The following MRTFA variants were observed in gnomAD, a reference collection of about 807,000 sequenced individuals.
The protein encoded by MRTFA is myocardin-related transcription factor A.
In MRTFA, 20 loss-of-function variants were observed where a neutral mutation model predicts 83.5. The ratio of observed to expected loss-of-function variants is 0.24; its 90% CI spans 0.17 to 0.35. The LOEUF (loss-of-function observed/expected upper bound fraction) is 0.35, where lower values mean the gene tolerates loss of function less well. Among genes scored for constraint, MRTFA ranks in the 10% least tolerant of loss-of-function variants. The probability of loss-of-function intolerance (pLI) is 1.00; values close to 1 mark genes in which losing one functional copy is unlikely to be tolerated. For synonymous variants in MRTFA, 659 were observed against 541.2 expected (o/e 1.22, Z -3.02); for missense variants, 1,200 against 1,224.7 (o/e 0.98, Z 0.30).
chr22:40,537,801 C>T lies in MRTFA; in HGVS notation c.241+14305G>A, dbSNP rs1291344739. Among the ~76,000 whole-genome samples the T allele has an allele frequency of 7.1e-3, 195 of 27,506 alleles. 6 individuals carry two copies. Among genetic ancestry groups the T allele is most frequent in the African/African-American group, 0.038 (176 of 4,584 alleles). The allele number at this position is 27,506 out of a possible 152,430, so 18.0% of individuals were successfully genotyped here. A position where few individuals can be genotyped will look rare whatever the true frequency, so the allele number is the denominator to read the frequency against. On this transcript the variant is annotated intron_variant, in intron 3 of 14. Transcript: ENST00000355630. Reference sequence around the variant, plus strand: ...CAGCCCCCCGCCTGGCCAGCCGCCCCGTCCGGGAGGGAGGTGGGGGGGTCA... The same window carrying T: ...CAGCCCCCCGCCTGGCCAGCCGCCCTGTCCGGGAGGGAGGTGGGGGGGTCA...
chr22:40,418,966 G>T lies in MRTFA; in HGVS notation c.1772C>A (p.Ala591Asp). ...CTTCACGAGGATCTGCAGTGGCGAGGCCTGCAGGGTCAGCTGCGTCAGAGG... is the reference window on the plus strand; with the variant it reads ...CTTCACGAGGATCTGCAGTGGCGAGTCCTGCAGGGTCAGCTGCGTCAGAGG... Residue 591 changes from alanine to aspartate, a missense_variant, in exon 12 of 15, where the codon GCC becomes GAC. By Grantham distance (126) the Ala-to-Asp change is moderately radical. Around this residue, in one of 2 missense-constraint regions of MRTFA, gnomAD observed 1,107 missense variants for 1,041.8 expected, o/e 1.06. Coordinates refer to ENST00000355630, the MANE Select transcript of MRTFA (RefSeq NM_020831.6). 1.2e-6 allele frequency: 2 copies of T among 1,612,878 alleles called. No individual in the cohort carries two copies. The highest frequency in any genetic ancestry group is 1.7e-6 in the Non-Finnish European group (2 of 1,179,942).
At chr22:40,560,854 G>A (rs1474642216) in intron 2 of MRTFA, among the ~76,000 whole-genome samples, 2 of 152,010 alleles carry the variant, frequency 1.3e-5, no homozygotes, top group African/African-American at 2.4e-5. Flanking sequence ...AACAACATAC[G>A]TACCTAGAAA....
At chr22:40,502,112 G>A (rs2054495098) in intron 3 of MRTFA, among the ~76,000 whole-genome samples, 1 of 141,742 alleles carries the variant, frequency 7.1e-6, no homozygotes, top group Admixed American at 6.8e-5. Flanking sequence ...CGGCCGGGCA[G>A]AGGCGCCCCT....
intron 4 of MRTFA, among the ~76,000 whole-genome samples, chr22:40,441,761 T>C (rs1000220100): frequency 6.6e-6 from 1 of 151,152 alleles, no homozygotes; most frequent in African/African-American, 2.4e-5. Flanking sequence ...TACTCCAACC[T>C]GGGTGACAGA....
intron 1 of MRTFA, among the ~76,000 whole-genome samples, chr22:40,608,898 A>C (rs2056351204): frequency 6.6e-6 from 1 of 152,230 alleles, no homozygotes; most frequent in Admixed American, 6.5e-5. Context: ...TAAAAATGTA[A>C]GATTACCACA....
chr22:40,609,659 T>C (rs938845817), intron 1 of MRTFA, among the ~76,000 whole-genome samples: 21 of 151,760 alleles, frequency 1.4e-4, no homozygotes, highest in African/African-American at 2.4e-5. Context: ...GGTGAAACCC[T>C]GTCTCTACTA....
intron 4 of MRTFA, among the ~76,000 whole-genome samples, chr22:40,462,603 A>G (rs1305540703): frequency 2.0e-5 from 3 of 152,240 alleles, no homozygotes; most frequent in Non-Finnish European, 4.4e-5. Context: ...TGTTGGTATT[A>G]AAGGCAAATT....
chr22:40,507,308 C>G (rs1180783560), intron 3 of MRTFA, among the ~76,000 whole-genome samples: 2 of 151,904 alleles, frequency 1.3e-5, no homozygotes, highest in Admixed American at 6.6e-5. Context: ...CTGCAGTGAG[C>G]AGTGATTGCA....
chr22:40,431,459 T>G lies in MRTFA; in HGVS notation c.385A>C (p.Lys129Gln), dbSNP rs1314782031. ...GATCTCTCCGGCCGGGAACGAATCT[T>G]CCGTTTGAGATAGTCCTCTGTCTAC... Residue 129 changes from lysine (K) to glutamine (Q), a missense_variant, in exon 6 of 15, where the codon AAG becomes CAG. Physicochemically the swap from Lys to Gln is moderately conservative, Grantham distance 53 (BLOSUM62 1). This residue lies in a region of MRTFA where 93 missense variants were observed against 182.9 expected (regional missense o/e 0.51). Transcript: ENST00000355630. The G allele has an allele frequency of 1.2e-6, 2 of 1,613,904 alleles. No individual in the cohort carries two copies. Among genetic ancestry groups the G allele is most frequent in the African/African-American group, 2.7e-5 (2 of 74,894 alleles).
chr22:40,585,185 G>A (rs2147366683), intron 2 of MRTFA, among the ~76,000 whole-genome samples: 1 of 152,326 alleles, frequency 6.6e-6, no homozygotes, highest in African/African-American at 2.4e-5. Flanking sequence ...ATGCTGCTGA[G>A]CAGGAAGGCT....
chr22:40,561,911 T>C (rs1419723434), intron 2 of MRTFA, among the ~76,000 whole-genome samples: 3 of 152,154 alleles, frequency 2.0e-5, no homozygotes, highest in African/African-American at 2.4e-5. Context: ...GCTTCTACTT[T>C]GGTCTCTTGG....
chr22:40,623,689 G>C (rs534079211), intron 1 of MRTFA, among the ~76,000 whole-genome samples: 1 of 152,222 alleles, frequency 6.6e-6, no homozygotes, highest in South Asian at 2.1e-4. Context: ...TTGTAACTGT[G>C]GTTAGTGCTA....
chr22:40,632,576 C>T (rs1010435278), intron 1 of MRTFA, among the ~76,000 whole-genome samples: 1 of 152,172 alleles, frequency 6.6e-6, no homozygotes, highest in African/African-American at 2.4e-5. Context: ...GCTGGGACTA[C>T]AGGCGTGCAT....
intron 2 of MRTFA, among the ~76,000 whole-genome samples, chr22:40,576,030 T>TC (rs2055863115): frequency 6.9e-6 from 1 of 145,330 alleles, no homozygotes; most frequent in Non-Finnish European, 1.5e-5. Flanking sequence ...GTAAATTTCT[T>TC]TTTTTTTTTT....
intron 3 of MRTFA, among the ~76,000 whole-genome samples, chr22:40,497,746 CA>C (rs760962517): frequency 4.7e-4 from 66 of 140,704 alleles, no homozygotes; most frequent in Admixed American, 6.4e-4. Flanking sequence ...GAGACTGTCT[CA>C]AAAAAAAAAA....
intron 13 of MRTFA, 60 bp from the exon 14 acceptor site, chr22:40,417,106 G>C (rs577450952): frequency 5.9e-6 from 9 of 1,524,054 alleles, no homozygotes; most frequent in East Asian, 4.9e-5. Flanking sequence ...CTCCCAGCCC[G>C]AACTACGAAT....
chr22:40,498,910 T>A (rs576096499), intron 3 of MRTFA, among the ~76,000 whole-genome samples: 1 of 152,300 alleles, frequency 6.6e-6, no homozygotes, highest in Admixed American at 6.5e-5. Context: ...AAAGATAATA[T>A]GACCAAATTT....
intron 3 of MRTFA, among the ~76,000 whole-genome samples, chr22:40,474,099 T>G (rs1265422129): frequency 6.6e-6 from 1 of 152,190 alleles, no homozygotes; most frequent in African/African-American, 2.4e-5. Flanking sequence ...GAGGCTTTTG[T>G]CATTGCTTTT....
At chr22:40,437,305 T>C (rs2053189952) in intron 4 of MRTFA, among the ~76,000 whole-genome samples, 1 of 152,130 alleles carries the variant, frequency 6.6e-6, no homozygotes, top group African/African-American at 2.4e-5. Flanking sequence ...CCGGGTGTGA[T>C]GCATCACACG....
Sources: gnomAD v4.1 joint callset for allele counts (sites outside exome capture counted in the v4.1 genomes callset) on GRCh38, gnomAD v4.1.1 for gene constraint, gnomAD v4.1.1 regional missense constraint, MANE v1.5 for transcripts, NCBI Gene and HGNC (gene_info 2026-07-23, HGNC 2026-07-21) for gene names.